The following WDR59 variants were observed in gnomAD, a reference collection of about 807,000 sequenced individuals.
The protein encoded by WDR59 is GATOR2 complex protein WDR59.
A neutral mutation model predicts 131.2 loss-of-function variants in WDR59; 100 were observed. The observed-to-expected ratio is 0.76, with a 90% CI of 0.65 to 0.90. WDR59 has a LOEUF of 0.90. WDR59 is among the 40% of genes least tolerant of loss of function. The pLI is 0.00. For missense variants in WDR59, 1,203 were observed against 1,262.2 expected, an observed-to-expected ratio of 0.95 and a Z score of 0.71; for synonymous variants, 601 against 466.2, an observed-to-expected ratio of 1.29 and a Z score of -3.72.
intron 1 of WDR59, among the ~76,000 whole-genome samples, chr16:74,969,872 A>C (rs1310112148): frequency 1.3e-5 from 2 of 151,368 alleles, no homozygotes; most frequent in Non-Finnish European, 2.9e-5. Flanking sequence ...CTGCAGCCTC[A>C]AACTCCTAGA....
At chr16:74,967,105 C>T (rs1688244152) in intron 1 of WDR59, among the ~76,000 whole-genome samples, 2 of 152,178 alleles carry the variant, frequency 1.3e-5, no homozygotes, top group African/African-American at 4.8e-5. Flanking sequence ...ATGGTAAGCA[C>T]CTTCTTTCCC....
intron 8 of WDR59, among the ~76,000 whole-genome samples, chr16:74,924,496 C>T (rs2030581427): frequency 6.6e-6 from 1 of 152,044 alleles, no homozygotes; most frequent in Non-Finnish European, 1.5e-5. Flanking sequence ...TGTGCAAGGT[C>T]ACAAAGAAAA....
At chr16:74,929,883 A>G (rs996074504) in intron 8 of WDR59, among the ~76,000 whole-genome samples, 2 of 152,238 alleles carry the variant, frequency 1.3e-5, no homozygotes, top group Non-Finnish European at 2.9e-5. Context: ...TTACAACAAC[A>G]TGGAAGGAAC....
At position 74,981,993 on chromosome 16, in the gene WDR59, C is replaced by T. The variant is rs1381458153; in HGVS notation, c.54+2971G>A. ...TTTTTAGGCCAGGCACGGTGGCTCA[C>T]GCCTGTAATCCCAGCACTTTGGGAA... is the stretch of plus-strand genomic sequence containing the variant. On this transcript the variant is annotated intron_variant, in intron 1 of 25. Coordinates refer to ENST00000262144, the MANE Select transcript of WDR59 (RefSeq NM_030581.4). 1.3e-4 allele frequency among the ~76,000 whole-genome samples: 18 copies of T among 135,388 alleles called. No individual in the cohort carries two copies. In the South Asian group the frequency reaches 3.0e-3, roughly 22 times the overall value. 88.8% of individuals were successfully genotyped at this position (135,388 alleles called of 152,430 possible). A position where few individuals can be genotyped will look rare whatever the true frequency, so the allele number is the denominator to read the frequency against.
chr16:74,948,690 C>G, intron 5 of WDR59, 134 bp from the exon 6 acceptor site: 1 of 756,994 alleles, frequency 1.3e-6, no homozygotes, highest in Admixed American at 2.0e-5. Context: ...CTGTGAGGGC[C>G]TTAAAAAGAA....
intron 1 of WDR59, among the ~76,000 whole-genome samples, chr16:74,980,136 C>G (rs539214361): frequency 2.0e-5 from 3 of 151,566 alleles, no homozygotes; most frequent in Non-Finnish European, 4.4e-5. Context: ...TGGAGTTATA[C>G]GCGTGAGCCA....
Position 74,921,934 on chromosome 16 carries a change from C to G in WDR59, c.886+13G>C. ...CTCAGAAGGAAAGTGGGCAGCAGGC[C>G]TCTCCCACTCACCTTCCTTCTGCTT... On this transcript the variant is annotated intron_variant, in intron 10 of 25. Coordinates refer to ENST00000262144, the MANE Select transcript of WDR59 (RefSeq NM_030581.4). 6.2e-7 allele frequency: 1 copy of G among 1,612,504 alleles called. No individual in the cohort carries two copies. Among genetic ancestry groups the G allele is most frequent in the Non-Finnish European group, 8.5e-7 (1 of 1,179,462 alleles).
At chr16:74,968,513 G>C (rs372644880) in intron 1 of WDR59, among the ~76,000 whole-genome samples, 4 of 152,222 alleles carry the variant, frequency 2.6e-5, no homozygotes, top group South Asian at 2.1e-4. Flanking sequence ...CTGAGGTAAG[G>C]AGTTCAAGAC....
intron 15 of WDR59, 82 bp downstream of exon 15, chr16:74,909,740 C>G: frequency 8.3e-6 from 13 of 1,568,050 alleles, no homozygotes; most frequent in Non-Finnish European, 1.1e-5. Flanking sequence ...ATGACAAAAC[C>G]AGAAAACCCA....
chr16:74,906,968 G>A (rs1408874137), intron 17 of WDR59, among the ~76,000 whole-genome samples: 1 of 152,218 alleles, frequency 6.6e-6, no homozygotes, highest in Non-Finnish European at 1.5e-5. Flanking sequence ...AGGACTGTCA[G>A]TGGGAAAACA....
rs1385756300 is a variant in WDR59, at chr16:74,889,583, T to C, written c.2195+120A>G. The C allele has an allele frequency of 9.8e-6, 7 of 714,250 alleles. No homozygotes were observed. The African/African-American group carries it at 1.1e-4, about 11-fold the overall frequency. The allele number at this position is 714,250 out of a possible 1,614,324, so 44.2% of individuals were successfully genotyped here. On this transcript the variant is annotated intron_variant, in intron 21 of 25. Transcript: ENST00000262144. ...ATTTCAGCACTGAAAGGAAAGATCC[T>C]ACTCCTTCCTTTCATTCCTCGGGCC... is the stretch of plus-strand genomic sequence containing the variant.
At position 74,922,068 on chromosome 16, in the gene WDR59, G is replaced by C; in HGVS notation, c.765C>G (p.Pro255=). 1.9e-6 allele frequency: 3 copies of C among 1,614,188 alleles called. No individual in the cohort carries two copies. The highest frequency in any genetic ancestry group is 2.5e-6 in the Non-Finnish European group (3 of 1,180,014). The change falls in exon 10 of 26, where the codon CCC becomes CCG. Residue 255 remains proline, a synonymous_variant. Transcript: ENST00000262144. ...GAAGGCTGTTTTCCCTCCGCAGCTG[G>C]GGAACCATCACAGTCACCAATCCAT... ...FSNGLVTVMV[P]QLRRENSLLL...
intron 17 of WDR59, among the ~76,000 whole-genome samples, chr16:74,907,904 T>C (rs994387358): frequency 2.0e-5 from 3 of 152,236 alleles, no homozygotes; most frequent in African/African-American, 7.2e-5. Flanking sequence ...AGCTGAAGTT[T>C]AGATAACTTG....
intron 9 of WDR59, 87 bp downstream of exon 9, chr16:74,923,839 G>A (rs1216328912): frequency 1.7e-6 from 2 of 1,211,602 alleles, no homozygotes; most frequent in Non-Finnish European, 2.3e-6. Flanking sequence ...ACCTCACAAA[G>A]AAAATAAGAG....
In WDR59 at chr16:74,909,599, G is replaced by C. The variant is rs527717246; in HGVS notation, c.1544C>G (p.Pro515Arg). 20 of 1,609,472 alleles carry C rather than the reference G, an allele frequency of 1.2e-5. No homozygotes were observed. Among genetic ancestry groups the C allele is most frequent in the South Asian group, 7.8e-5 (7 of 90,240 alleles). ...PFALPNSVTP[P>R]LPTFARVTTA... ...GGTCACCCGCGCAAACGTCGGTAAGGGGGGAGTGACAGAGTTGGGGAGTGC... is the reference window on the plus strand; with the variant it reads ...GGTCACCCGCGCAAACGTCGGTAAGCGGGGAGTGACAGAGTTGGGGAGTGC... Residue 515 changes from proline to arginine, a missense_variant, in exon 16 of 26, where the codon CCC (proline) becomes CGC (arginine). Transcript: ENST00000262144.
chr16:74,943,052 CAG>C (rs2032352915), intron 6 of WDR59, among the ~76,000 whole-genome samples: 1 of 152,132 alleles, frequency 6.6e-6, no homozygotes, highest in Non-Finnish European at 1.5e-5. Flanking sequence ...GAAATAATCT[CAG>C]GGGAAAAAAT....
chr16:74,912,094 G>A, intron 14 of WDR59, 104 bp downstream of exon 14: 1 of 1,500,400 alleles, frequency 6.7e-7, no homozygotes, highest in Non-Finnish European at 9.2e-7. Flanking sequence ...GTACGAAACA[G>A]ATGACTTCCG....
chr16:74,919,372 T>G (rs2029939792), intron 10 of WDR59, among the ~76,000 whole-genome samples: 1 of 151,948 alleles, frequency 6.6e-6, no homozygotes, highest in Non-Finnish European at 1.5e-5. Flanking sequence ...ACTTTGTCAC[T>G]CAAGCTGGAG....
intron 8 of WDR59, among the ~76,000 whole-genome samples, chr16:74,936,103 G>C (rs1385415781): frequency 6.6e-6 from 1 of 152,072 alleles, no homozygotes; most frequent in East Asian, 1.9e-4. Flanking sequence ...GTAAAGAACA[G>C]AGAAGACTTT....
Sources: allele counts gnomAD v4.1 joint callset (sites outside exome capture counted in the v4.1 genomes callset), GRCh38; gene constraint gnomAD v4.1.1; transcripts MANE v1.5; gene names NCBI Gene and HGNC (gene_info 2026-07-23, HGNC 2026-07-21).